The following POLI variants were observed in gnomAD, a reference collection of about 807,000 sequenced individuals.
The protein encoded by POLI is RAD30 homolog B.
POLI carries 58 observed loss-of-function variants against 51.6 expected under a neutral mutation model. The ratio of observed to expected loss-of-function variants is 1.12; its 90% CI spans 0.91 to 1.40. The LOEUF is 1.40. POLI is among the 40% of genes most tolerant of loss of function. The probability of loss-of-function intolerance (pLI) is 0.00; values close to 1 mark genes in which losing one functional copy is unlikely to be tolerated. For missense variants in POLI, 921 were observed against 871.3 expected, an observed-to-expected ratio of 1.06 and a Z score of -0.72; for synonymous variants, 322 against 299.7, an observed-to-expected ratio of 1.07 and a Z score of -0.77.
At chr18:54,303,366 T>C (rs608281) in intron 3 of POLI, among the ~76,000 whole-genome samples, 38,241 of 152,190 alleles carry the variant, frequency 0.25, 5,028 homozygotes, top group Middle Eastern at 0.3. Context: ...TTTCTTACAC[T>C]GTCTGTGTTA....
rs1420353273 is a variant in POLI, at chr18:54,282,933, T to G, written c.893T>G (p.Leu298Ter). ...TCACCCAAAATTTTAGAAAAAGAAT[T>G]AGGAATTTCAGTTGCTCAGCGTATC... ...TFSPKILEKE[L>*]GISVAQRIQK... Residue 298 changes from leucine (L) to a stop codon, truncating the protein, a stop_gained, in exon 6 of 10, where the codon TTA (leucine) becomes TGA (stop). Coordinates refer to ENST00000579534, the MANE Select transcript of POLI (RefSeq NM_007195.3). LOFTEE classifies it high-confidence loss of function. 1 of 1,606,142 alleles carries G rather than the reference T, an allele frequency of 6.2e-7. No individual in the cohort carries two copies. Among genetic ancestry groups the G allele is most frequent in the East Asian group, 2.2e-5 (1 of 44,706 alleles).
rs1408442073 is a variant in POLI, at chr18:54,294,370, A to T, written c.2126A>T (p.Asp709Val). The T allele has an allele frequency of 3.1e-6, 5 of 1,613,472 alleles. No individual in the cohort carries two copies. Among genetic ancestry groups the T allele is most frequent in the Non-Finnish European group, 4.2e-6 (5 of 1,179,688 alleles). ...DEKITFPSDI[D>V]PQVFYELPEA... ...AAAATTACTTTCCCTTCTGACATTG[A>T]TCCTCAAGTTTTCTATGAACTACCA... The change falls in exon 10 of 10, where the codon GAT (aspartate) becomes GTT (valine). Residue 709 changes from aspartate (D) to valine (V), a missense_variant. Coordinates refer to ENST00000579534, the MANE Select transcript of POLI (RefSeq NM_007195.3).
At chr18:54,285,483 A>G (rs1448068110) in intron 7 of POLI, among the ~76,000 whole-genome samples, 2 of 151,424 alleles carry the variant, frequency 1.3e-5, no homozygotes, top group Non-Finnish European at 2.9e-5. Flanking sequence ...CTGAATTATA[A>G]CACCATCTAA....
Position 54,297,291 on chromosome 18 carries a change from GTTT to G in POLI, c.*2834_*2836del. 1 of 806,286 alleles carries G rather than the reference GTTT, an allele frequency of 1.2e-6. No individual in the cohort carries two copies. The highest frequency in any genetic ancestry group is 1.5e-6 in the Non-Finnish European group (1 of 672,116). The allele number at this position is 806,286 out of a possible 1,614,324, so 49.9% of individuals were successfully genotyped here. On this transcript the variant is annotated 3_prime_UTR_variant, in exon 10 of 10. Transcript: ENST00000579534. ...TTTGTTTCAGCTCGAGTTTGTTGTT[GTTT>G]TTTTTTTTTCCTGTTTCTGTCTTGA...
At chr18:54,320,110 A>C (rs2088774772) in intron 3 of POLI, among the ~76,000 whole-genome samples, 1 of 152,218 alleles carries the variant, frequency 6.6e-6, no homozygotes, top group Admixed American at 6.6e-5. Flanking sequence ...TCTCCCGAAC[A>C]TTCAGTAGAA....
chr18:54,281,813 T>A lies in POLI; in HGVS notation c.796+910T>A, dbSNP rs556456504. Among the ~76,000 whole-genome samples the A allele has an allele frequency of 3.3e-5, 5 of 152,186 alleles. No individual in the cohort carries two copies. The South Asian group carries it at 8.3e-4, about 25-fold the overall frequency. ...TTGCCAAATTGCCAACCTTCTTTTT[T>A]TTCTGCTGTGAAAAATCTGTCACTC... On this transcript the variant is annotated intron_variant, in intron 5 of 9. Coordinates refer to ENST00000579534, the MANE Select transcript of POLI (RefSeq NM_007195.3).
intron 3 of POLI, among the ~76,000 whole-genome samples, chr18:54,276,021 T>C (rs2087223899): frequency 6.6e-6 from 1 of 151,646 alleles, no homozygotes; most frequent in South Asian, 2.1e-4. Flanking sequence ...TTTTGGGCCC[T>C]ATATAATTAT....
Position 54,297,980 on chromosome 18 carries a change from T to A in POLI, c.*3513T>A. 1.0e-6 allele frequency: 1 copy of A among 980,998 alleles called. No homozygotes were observed. The highest frequency in any genetic ancestry group is 1.2e-6 in the Non-Finnish European group (1 of 825,876). The allele number at this position is 980,998 out of a possible 1,614,324, so 60.8% of individuals were successfully genotyped here. ...TTAGAACTGACATCTCTTGAGCTGTTCTAAGATAATATCTTTTACTTTGGA... is the reference window on the plus strand; with the variant it reads ...TTAGAACTGACATCTCTTGAGCTGTACTAAGATAATATCTTTTACTTTGGA... On this transcript the variant is annotated 3_prime_UTR_variant, in exon 10 of 10. Transcript: ENST00000579534.
intron 2 of POLI, among the ~76,000 whole-genome samples, 197 bp downstream of exon 2, chr18:54,271,682 A>T (rs529486549): frequency 2.0e-5 from 3 of 152,354 alleles, no homozygotes; most frequent in African/African-American, 7.2e-5. Flanking sequence ...TGAATCTGAG[A>T]ATAGTGTAGT....
At chr18:54,320,411 C>T (rs957179045) in intron 4 of POLI, 5 of 152,132 alleles carry the variant, frequency 3.3e-5, no homozygotes, top group Non-Finnish European at 7.4e-5. Flanking sequence ...CATGAAAAGA[C>T]CTAATTATTC....
intron 4 of POLI, among the ~76,000 whole-genome samples, chr18:54,278,219 T>G (rs1197424953): frequency 1.3e-5 from 2 of 152,128 alleles, no homozygotes; most frequent in African/African-American, 4.8e-5. Flanking sequence ...CCCAGCTGTT[T>G]GGGAGACTGA....
Position 54,296,992 on chromosome 18 carries a change from A to C in POLI, c.*2525A>C, listed in dbSNP as rs760971513. The C allele has an allele frequency of 2.1e-4, 202 of 985,112 alleles. No individual in the cohort carries two copies. The highest frequency in any genetic ancestry group is 9.2e-4 in the Admixed American group (15 of 16,246). The allele number at this position is 985,112 out of a possible 1,614,324, so 61.0% of individuals were successfully genotyped here. ...AATCTGCGAGAAGACAGAGGGCCTAAATTGTGTATGTTTTCCTTCAGTATG... is the reference window on the plus strand; with the variant it reads ...AATCTGCGAGAAGACAGAGGGCCTACATTGTGTATGTTTTCCTTCAGTATG... On this transcript the variant is annotated 3_prime_UTR_variant, in exon 10 of 10. Coordinates refer to ENST00000579534, the MANE Select transcript of POLI (RefSeq NM_007195.3).
chr18:54,314,578 A>C (rs1419737825), intron 3 of POLI, among the ~76,000 whole-genome samples: 39 of 152,072 alleles, frequency 2.6e-4, no homozygotes, highest in Admixed American at 2.6e-3. Context: ...TGTCTTATAG[A>C]ATTCAGCTGT....
At chr18:54,270,512 C>T (rs1344989014) in intron 1 of POLI, 6 of 152,150 alleles carry the variant, frequency 3.9e-5, no homozygotes, top group Admixed American at 1.3e-4. Flanking sequence ...AGCTAGATCC[C>T]CCTAGTGTTA....
intron 3 of POLI, among the ~76,000 whole-genome samples, chr18:54,304,449 C>T (rs9958012): frequency 0.12 from 18,303 of 152,148 alleles, 3,589 homozygotes; most frequent in African/African-American, 0.41. Flanking sequence ...TAATGATCGC[C>T]ATTCTAACTG....
At chr18:54,275,613 CCT>C (rs1441255688) in intron 3 of POLI, among the ~76,000 whole-genome samples, 8 of 152,142 alleles carry the variant, frequency 5.3e-5, no homozygotes, top group Admixed American at 2.6e-4. Context: ...CTAAATGCCT[CCT>C]CTCATATTCA....
intron 9 of POLI, among the ~76,000 whole-genome samples, chr18:54,292,689 T>C (rs1022524264): frequency 1.3e-5 from 2 of 152,130 alleles, no homozygotes; most frequent in African/African-American, 2.4e-5. Flanking sequence ...AAAATACTTT[T>C]GTGTTTGTTT....
intron 8 of POLI, among the ~76,000 whole-genome samples, chr18:54,289,781 A>G (rs1703166280): frequency 1.3e-5 from 2 of 152,202 alleles, no homozygotes; most frequent in Admixed American, 1.3e-4. Context: ...CCATATGTAG[A>G]AAGTTGAAAC....
chr18:54,285,960 T>C (rs1003399209), intron 7 of POLI, among the ~76,000 whole-genome samples: 2 of 152,142 alleles, frequency 1.3e-5, no homozygotes, highest in Non-Finnish European at 2.9e-5. Context: ...AGCCTCAGCC[T>C]CCTGGGCTCA....
Sources: allele counts gnomAD v4.1 joint callset (sites outside exome capture counted in the v4.1 genomes callset), GRCh38; gene constraint gnomAD v4.1.1; transcripts MANE v1.5; gene names NCBI Gene and HGNC (gene_info 2026-07-23, HGNC 2026-07-21).